Variants in ENOSF1 observed in about 807,000 individuals in gnomAD.
The protein encoded by ENOSF1 is enolase superfamily member 1.
ENOSF1 carries 73 observed loss-of-function variants against 68.2 expected under a neutral mutation model. That is an observed-to-expected ratio of 1.07 (90% CI 0.89 to 1.30). The LOEUF is 1.30. Among genes scored for constraint, ENOSF1 ranks in the 50% most tolerant of loss-of-function variants. ENOSF1 has a pLI of 0.00. For synonymous variants in ENOSF1, 223 were observed against 210.4 expected (o/e 1.06, Z -0.52); for missense variants, 589 against 554.5 (o/e 1.06, Z -0.62).
intron 2 of ENOSF1, among the ~76,000 whole-genome samples, chr18:702,091 C>T (rs2078417653): frequency 6.6e-6 from 1 of 151,238 alleles, no homozygotes; most frequent in Admixed American, 6.6e-5. Flanking sequence ...TGATGAAATC[C>T]TGTCTCTACA....
At chr18:707,065 T>C (rs2079024662) in intron 1 of ENOSF1, among the ~76,000 whole-genome samples, 2 of 152,172 alleles carry the variant, frequency 1.3e-5, no homozygotes, top group Admixed American at 6.6e-5. Flanking sequence ...GTGATCCACC[T>C]GCCTTGGCCT....
intron 1 of ENOSF1, among the ~76,000 whole-genome samples, chr18:709,724 T>C (rs1446010397): frequency 6.6e-6 from 1 of 151,758 alleles, no homozygotes; most frequent in Admixed American, 6.6e-5. Flanking sequence ...TGAGATGAGA[T>C]TGCACCACTG....
At chr18:667,723 G>A (rs1160631404), downstream of ENOSF1, 1 of 152,172 alleles carries the variant, frequency 6.6e-6, no homozygotes, top group African/African-American at 2.4e-5. Context: ...AATGAAAAAA[G>A]CTGCTGCGTG....
At chr18:675,064 C>T (rs986592886) in intron 15 of ENOSF1, among the ~76,000 whole-genome samples, 2 of 152,016 alleles carry the variant, frequency 1.3e-5, no homozygotes, top group Non-Finnish European at 2.9e-5. Context: ...TTTTTTTGCA[C>T]AAGGAGTGCA....
chr18:667,992 A>ATTT (rs60409589), downstream of ENOSF1, among the ~76,000 whole-genome samples: 278 of 105,370 alleles, frequency 2.6e-3, 7 homozygotes, highest in African/African-American at 9.7e-3. Flanking sequence ...ATTCACAGGA[A>ATTT]TTTTTTTTTT....
In ENOSF1 at chr18:673,119, A is replaced by G; in HGVS notation, c.*1186T>C. On this transcript the variant is annotated 3_prime_UTR_variant, in exon 16 of 16. Coordinates refer to ENST00000647584, the MANE Select transcript of ENOSF1 (RefSeq NM_017512.7). Reference sequence around the variant, plus strand: ...TAGGTCAAAAATCTGTCCGTGACCTATCAGTTATTAATTTTTAAGGATGTT... The same window carrying G: ...TAGGTCAAAAATCTGTCCGTGACCTGTCAGTTATTAATTTTTAAGGATGTT... 1.8e-6 allele frequency: 2 copies of G among 1,096,972 alleles called. No homozygotes were observed. Among genetic ancestry groups the G allele is most frequent in the South Asian group, 2.6e-5 (1 of 38,296 alleles). 68.0% of individuals were successfully genotyped at this position (1,096,972 alleles called of 1,614,324 possible). A position where few individuals can be genotyped will look rare whatever the true frequency, so the allele number is the denominator to read the frequency against.
downstream of ENOSF1, chr18:669,186 CCGT>C (rs747160577): frequency 6.2e-7 from 1 of 1,608,720 alleles, no homozygotes; most frequent in South Asian, 1.1e-5. Context: ...TGAAAGAACC[CCGT>C]CGTCTTCATT....
At chr18:712,275 T>G (rs2079645937) in intron 1 of ENOSF1, 20 of 1,529,224 alleles carry the variant, frequency 1.3e-5, no homozygotes, top group Admixed American at 3.9e-5. Flanking sequence ...ACAGAAGCAA[T>G]GGGTTCGAAG....
intron 2 of ENOSF1, among the ~76,000 whole-genome samples, chr18:701,749 T>A (rs1226229417): frequency 9.3e-6 from 1 of 108,084 alleles, no homozygotes; most frequent in Non-Finnish European, 1.9e-5. Context: ...AGAGCGAGAC[T>A]CCATCTCAAA....
intron 5 of ENOSF1, chr18:692,175 CCT>C (rs1266491901): frequency 6.6e-6 from 1 of 152,296 alleles, no homozygotes; most frequent in Non-Finnish European, 1.5e-5. Flanking sequence ...CGTGCTGAGA[CCT>C]CTCCCCACCC....
At chr18:679,130 C>T (rs1324313365) in intron 11 of ENOSF1, among the ~76,000 whole-genome samples, 1 of 152,082 alleles carries the variant, frequency 6.6e-6, no homozygotes, top group Non-Finnish European at 1.5e-5. Flanking sequence ...TTGGACGACT[C>T]CTTCCTGTGG....
At chr18:696,224 T>TTG (rs71174271) in intron 3 of ENOSF1, among the ~76,000 whole-genome samples, 3 of 115,020 alleles carry the variant, frequency 2.6e-5, no homozygotes, top group African/African-American at 9.6e-5. Context: ...TTTTTTTTTT[T>TTG]GTTTTGAGAC....
intron 2 of ENOSF1, among the ~76,000 whole-genome samples, chr18:702,681 A>G (rs543697818): frequency 1.3e-4 from 19 of 151,528 alleles, no homozygotes; most frequent in African/African-American, 4.6e-4. Flanking sequence ...TCAAGGCTGT[A>G]TGAGCCGTGA....
downstream of ENOSF1, chr18:667,583 T>TGATGGA (rs2074880948): frequency 4.8e-5 from 4 of 83,280 alleles, no homozygotes; most frequent in Admixed American, 1.1e-4. Context: ...ATGGTGATGG[T>TGATGGA]GATGGTGATG....
chr18:694,199 G>A lies in ENOSF1; in HGVS notation c.396+49C>T, dbSNP rs762198166. 19 of 1,554,514 alleles carry A rather than the reference G, an allele frequency of 1.2e-5. No homozygotes were observed. In the Admixed American group the frequency reaches 2.9e-4, roughly 24 times the overall value. Reference sequence around the variant, plus strand: ...TTTCCTCTGTGCGTAGGGAAAGTCAGTGTCGTACAGCTCCCAGGAGCCTCC... The same window carrying A: ...TTTCCTCTGTGCGTAGGGAAAGTCAATGTCGTACAGCTCCCAGGAGCCTCC... On this transcript the variant is annotated intron_variant, in intron 4 of 15. Coordinates refer to ENST00000647584, the MANE Select transcript of ENOSF1 (RefSeq NM_017512.7).
At chr18:698,451 G>T (rs748343991) in intron 2 of ENOSF1, among the ~76,000 whole-genome samples, 1 of 152,090 alleles carries the variant, frequency 6.6e-6, no homozygotes, top group Non-Finnish European at 1.5e-5. Flanking sequence ...AAATGAATTT[G>T]CAATTAGCAT....
intron 11 of ENOSF1, among the ~76,000 whole-genome samples, chr18:682,204 T>C (rs2076142493): frequency 6.6e-6 from 1 of 152,292 alleles, no homozygotes; most frequent in East Asian, 1.9e-4. Flanking sequence ...TGTTTCATCA[T>C]TGTGTGAACA....
intron 15 of ENOSF1, 127 bp downstream of exon 15, chr18:675,194 C>T (rs2075354750): frequency 1.3e-6 from 1 of 741,516 alleles, no homozygotes; most frequent in African/African-American, 1.7e-5. Flanking sequence ...AACTGAAGAA[C>T]CGTTTGTTAG....
At chr18:712,290 G>A (rs2079647023) in intron 1 of ENOSF1, 3 of 1,526,460 alleles carry the variant, frequency 2.0e-6, no homozygotes, top group Non-Finnish European at 2.6e-6. Flanking sequence ...TCGAAGTCGG[G>A]AAGCTGCCCG....
Sources: allele counts gnomAD v4.1 joint callset (sites outside exome capture counted in the v4.1 genomes callset), GRCh38; gene constraint gnomAD v4.1.1; transcripts MANE v1.5; gene names NCBI Gene and HGNC (gene_info 2026-07-23, HGNC 2026-07-21).